Variants in CACNB4 observed in about 807,000 individuals in gnomAD.
The protein encoded by CACNB4 is voltage-dependent L-type calcium channel subunit beta-4.
A neutral mutation model predicts 71.2 loss-of-function variants in CACNB4; 32 were observed. That is an observed-to-expected ratio of 0.45 (90% CI 0.34 to 0.60). CACNB4 has a LOEUF of 0.60. Ranked by LOEUF, CACNB4 falls within the 20% of genes least tolerant of loss-of-function variation. The probability of loss-of-function intolerance (pLI) is 0.01; values close to 1 mark genes in which losing one functional copy is unlikely to be tolerated. For synonymous variants in CACNB4, 231 were observed against 236.9 expected (o/e 0.97, Z 0.23); for missense variants, 464 against 647.9 (o/e 0.72, Z 3.08).
intron 2 of CACNB4, among the ~76,000 whole-genome samples, chr2:151,920,369 C>T (rs112168074): frequency 0.018 from 2,211 of 122,842 alleles, 99 homozygotes; most frequent in African/African-American, 0.067. Flanking sequence ...TTGTCCACAA[C>T]GGAGGTACAG....
In CACNB4 at chr2:151,913,877, C is replaced by G. The variant is rs1413467693; in HGVS notation, c.148-30507G>C. Among the ~76,000 whole-genome samples, 3 of 152,124 alleles carry G rather than the reference C, an allele frequency of 2.0e-5. No homozygotes were observed. The East Asian group carries it at 5.8e-4, about 29-fold the overall frequency. On this transcript the variant is annotated intron_variant, in intron 2 of 13. Coordinates refer to ENST00000539935, the MANE Select transcript of CACNB4 (RefSeq NM_000726.5). ...CTGATGGGCTTCCCTTTGCAGGTGA[C>G]CTGGCCTTACTCTCTGGCTGCCCTT... is the stretch of plus-strand genomic sequence containing the variant.
At chr2:151,909,422 C>A (rs1199155377) in intron 2 of CACNB4, among the ~76,000 whole-genome samples, 1 of 142,854 alleles carries the variant, frequency 7.0e-6, no homozygotes, top group Non-Finnish European at 1.5e-5. Context: ...GGCGACACAG[C>A]GAGACTCCAT....
chr2:151,996,118 C>T (rs1473240163), intron 2 of CACNB4, among the ~76,000 whole-genome samples: 5 of 152,270 alleles, frequency 3.3e-5, no homozygotes, highest in Admixed American at 6.5e-5. Context: ...GATTCAAGAA[C>T]GGTATTGCCC....
chr2:151,929,827 C>T (rs1186239841), intron 2 of CACNB4, among the ~76,000 whole-genome samples: 4 of 151,936 alleles, frequency 2.6e-5, no homozygotes, highest in African/African-American at 9.7e-5. Flanking sequence ...TTTCCAGGCT[C>T]TATATGAAGA....
chr2:151,981,355 C>G (rs2099874686), intron 2 of CACNB4, among the ~76,000 whole-genome samples: 1 of 149,182 alleles, frequency 6.7e-6, no homozygotes, highest in East Asian at 2.0e-4. Flanking sequence ...ATGCATGCAG[C>G]CTAGTCTAGT....
In CACNB4 at chr2:152,022,001, T is replaced by C. The variant is rs532631295; in HGVS notation, c.147+76329A>G. Reference sequence around the variant, plus strand: ...CTAATCTTTAAACATGTCATTTTGATCCAGCATCCAAAGTTGTATTAAAAA... The same window carrying C: ...CTAATCTTTAAACATGTCATTTTGACCCAGCATCCAAAGTTGTATTAAAAA... On this transcript the variant is annotated intron_variant, in intron 2 of 13. Transcript: ENST00000539935. 1.3e-3 allele frequency among the ~76,000 whole-genome samples: 191 copies of C among 152,316 alleles called. 1 individual carries two copies. Among genetic ancestry groups the C allele is most frequent in the South Asian group, 7.9e-3 (38 of 4,824 alleles).
Position 151,833,108 on chromosome 2 carries a change from T to C in CACNB4, c.*6011A>G, listed in dbSNP as rs919954382. 4 of 152,054 alleles carry C rather than the reference T, an allele frequency of 2.6e-5. No individual in the cohort carries two copies. Among genetic ancestry groups the C allele is most frequent in the African/African-American group, 9.7e-5 (4 of 41,428 alleles). 9.4% of individuals were successfully genotyped at this position (152,054 alleles called of 1,614,324 possible). Reference sequence around the variant, plus strand: ...CTAAAATTTAAAGAAAGAAAAAAAATTATTTGACAAAGGCATTTTTTATCC... The same window carrying C: ...CTAAAATTTAAAGAAAGAAAAAAAACTATTTGACAAAGGCATTTTTTATCC... On this transcript the variant is annotated 3_prime_UTR_variant, in exon 14 of 14. Transcript: ENST00000539935.
At chr2:152,062,381 C>A (rs965544964) in intron 2 of CACNB4, among the ~76,000 whole-genome samples, 2 of 152,164 alleles carry the variant, frequency 1.3e-5, no homozygotes, top group Admixed American at 6.5e-5. Context: ...CTTCACTGAC[C>A]ACTCTTCTAA....
chr2:151,993,535 T>C (rs933965588), intron 2 of CACNB4, among the ~76,000 whole-genome samples: 1 of 150,172 alleles, frequency 6.7e-6, no homozygotes, highest in Non-Finnish European at 1.5e-5. Flanking sequence ...ACTACTTCTC[T>C]GAACACGGAG....
chr2:151,994,696 A>G (rs1170284869), intron 2 of CACNB4, among the ~76,000 whole-genome samples: 2 of 152,242 alleles, frequency 1.3e-5, no homozygotes, highest in African/African-American at 4.8e-5. Context: ...AGGCTCCTTA[A>G]GCAAATATGA....
intron 2 of CACNB4, among the ~76,000 whole-genome samples, chr2:152,083,877 C>T (rs1380323677): frequency 1.3e-5 from 2 of 152,178 alleles, no homozygotes. Flanking sequence ...GATCCCATTC[C>T]GATATCCTAC....
In CACNB4 at chr2:151,954,853, T is replaced by TTG. The variant is rs1330785176; in HGVS notation, c.148-71484_148-71483insCA. ...CATTTACTGTGACAAGTCAGCACTT[T>TTG]TTTTTTTTTTTTTTTTTTGAGATGG... is the stretch of plus-strand genomic sequence containing the variant. On this transcript the variant is annotated intron_variant, in intron 2 of 13. Coordinates refer to ENST00000539935, the MANE Select transcript of CACNB4 (RefSeq NM_000726.5). Among the ~76,000 whole-genome samples the TTG allele has an allele frequency of 4.7e-4, 64 of 137,208 alleles. 1 individual carries two copies. Among genetic ancestry groups the TTG allele is most frequent in the African/African-American group, 1.7e-3 (63 of 37,086 alleles). 90.0% of individuals were successfully genotyped at this position (137,208 alleles called of 152,430 possible).
intron 2 of CACNB4, among the ~76,000 whole-genome samples, chr2:152,007,895 C>T (rs1018488503): frequency 6.6e-6 from 1 of 152,032 alleles, no homozygotes; most frequent in Non-Finnish European, 1.5e-5. Context: ...CTTCAGTCTC[C>T]TGAGCAGCTA....
At chr2:151,839,799 G>A (rs1011498514) in intron 13 of CACNB4, among the ~76,000 whole-genome samples, 7 of 152,054 alleles carry the variant, frequency 4.6e-5, no homozygotes, top group Admixed American at 6.6e-5. Context: ...TCCTTCTAAA[G>A]TAACACACCT....
chr2:151,981,034 C>A (rs2099874636), intron 2 of CACNB4, among the ~76,000 whole-genome samples: 2 of 150,808 alleles, frequency 1.3e-5, no homozygotes, highest in Admixed American at 1.3e-4. Flanking sequence ...ATTTGGTGAA[C>A]TCATTCCTTC....
chr2:151,914,249 G>C (rs2099856934), intron 2 of CACNB4, among the ~76,000 whole-genome samples: 1 of 151,568 alleles, frequency 6.6e-6, no homozygotes, highest in South Asian at 2.1e-4. Context: ...CCTTTTTTCT[G>C]CTTGGTCGAT....
At chr2:151,928,108 G>C (rs918385231) in intron 2 of CACNB4, among the ~76,000 whole-genome samples, 1 of 152,116 alleles carries the variant, frequency 6.6e-6, no homozygotes, top group Non-Finnish European at 1.5e-5. Context: ...GGCTGCTCAG[G>C]GCATGGCAGA....
At chr2:151,902,708 T>C (rs1209425605) in intron 2 of CACNB4, among the ~76,000 whole-genome samples, 1 of 152,102 alleles carries the variant, frequency 6.6e-6, no homozygotes, top group Non-Finnish European at 1.5e-5. Flanking sequence ...CTGATCTTGA[T>C]ATTTTGCTGG....
chr2:151,890,002 C>T (rs1262757179), intron 2 of CACNB4, among the ~76,000 whole-genome samples: 2 of 152,120 alleles, frequency 1.3e-5, no homozygotes, highest in Admixed American at 6.5e-5. Flanking sequence ...TTGTTAGCAA[C>T]CTCACCCTCA....
Sources: gnomAD v4.1 joint callset for allele counts (sites outside exome capture counted in the v4.1 genomes callset) on GRCh38, gnomAD v4.1.1 for gene constraint, MANE v1.5 for transcripts, NCBI Gene and HGNC (gene_info 2026-07-23, HGNC 2026-07-21) for gene names.